BDP1: variants seen among roughly 807,000 people sequenced by gnomAD.
BDP1 encodes the protein transcription factor TFIIIB component B'' homolog.
Under a neutral mutation model 266.6 loss-of-function variants are expected in BDP1, and 169 were observed. The ratio of observed to expected loss-of-function variants is 0.63; its 90% confidence interval spans 0.56 to 0.72. The LOEUF (loss-of-function observed/expected upper bound fraction) is 0.72. Ranked by LOEUF, BDP1 falls within the 30% of genes least tolerant of loss-of-function variation. The pLI is 0.00. For synonymous variants in BDP1, 1,090 were observed against 1,022.4 expected, an observed-to-expected ratio of 1.07 and a Z score of -1.26; for missense variants, 3,015 against 3,053.8, an observed-to-expected ratio of 0.99 and a Z score of 0.30.
rs764156146 is a variant in BDP1 at position 71,461,880 on chromosome 5, A to G, written c.553A>G (p.Thr185Ala). ...GAGGCCACCAGATCGTTCAAAAATG[A>G]CTATGAGAGACTTCATATATTATCT... ...SQRPPDRSKM[T>A]MRDFIYYLPD... is the part of the protein sequence containing the mutation. Residue 185 changes from threonine to alanine, a missense_variant, in exon 3 of 39, where the codon ACT (threonine) becomes GCT (alanine). Transcript: ENST00000358731. The G allele has an allele frequency of 5.6e-5, 90 of 1,603,158 alleles. No homozygotes were observed. The highest frequency in any genetic ancestry group is 7.6e-5 in the Non-Finnish European group (89 of 1,171,930).
At chr5:71,515,357 A>T (rs1327669440) in intron 20 of BDP1, among the ~76,000 whole-genome samples, 1 of 152,192 alleles carries the variant, frequency 6.6e-6, no homozygotes, top group African/African-American at 2.4e-5. Flanking sequence ...AAAGCAATGC[A>T]TTTAAAAACT....
chr5:71,526,685 G>GT (rs35962090), intron 25 of BDP1, among the ~76,000 whole-genome samples: 3,624 of 118,926 alleles, frequency 0.03, 138 homozygotes, highest in African/African-American at 0.084. Context: ...CTCTCTCTCT[G>GT]TTTTTTTTTT....
At chr5:71,522,217 T>G (rs985888068) in intron 22 of BDP1, 72 bp from the exon 23 acceptor site, 8 of 1,173,606 alleles carry the variant, frequency 6.8e-6, no homozygotes, top group Admixed American at 6.4e-5. Context: ...CAAAATTGTT[T>G]GATGTAACAG....
At position 71,485,446 on chromosome 5, in the gene BDP1, T is replaced by G. The variant is rs543079874; in HGVS notation, c.1070-1038T>G. ...TGAGTGCTATGTCTTTCAGAATCAT[T>G]GTGGAGAGTCAGAACAAATGAAGTC... On this transcript the variant is annotated intron_variant, in intron 8 of 38. Coordinates refer to ENST00000358731, the MANE Select transcript of BDP1 (RefSeq NM_018429.3). 6.1e-4 allele frequency among the ~76,000 whole-genome samples: 93 copies of G among 152,306 alleles called. No homozygotes were observed. In the Middle Eastern group the frequency reaches 0.01, roughly 17 times the overall value.
At chr5:71,495,165 TTG>T in intron 11 of BDP1, 83 bp from the exon 12 acceptor site, 3 of 806,474 alleles carry the variant, frequency 3.7e-6, no homozygotes, top group Non-Finnish European at 5.2e-6. Flanking sequence ...AATGGTGATT[TTG>T]TGTGTTTAAC....
intron 25 of BDP1, among the ~76,000 whole-genome samples, chr5:71,525,680 C>T (rs1479614208): frequency 1.9e-5 from 2 of 107,884 alleles, no homozygotes; most frequent in African/African-American, 7.2e-5. Context: ...GCTGGCCGGG[C>T]GGGGGGCTGA....
chr5:71,520,001 G>A (rs1765416198), intron 22 of BDP1, among the ~76,000 whole-genome samples: 1 of 152,060 alleles, frequency 6.6e-6, no homozygotes, highest in Non-Finnish European at 1.5e-5. Context: ...TTTAACAGTA[G>A]CCATTTTAAC....
In BDP1 at chr5:71,510,137, T is replaced by G; in HGVS notation, c.3045T>G (p.Thr1015=). The G allele has an allele frequency of 6.2e-7, 1 of 1,612,076 alleles. No homozygotes were observed. Among genetic ancestry groups the G allele is most frequent in the Non-Finnish European group, 8.5e-7 (1 of 1,179,498 alleles). Residue 1015 remains threonine, a synonymous_variant, in exon 17 of 39, where the codon ACT becomes ACG. Coordinates refer to ENST00000358731, the MANE Select transcript of BDP1 (RefSeq NM_018429.3). ...AAATGGAGACAGATTTGAACGCAACTGGAAGAGAGAGTTCTCCAAGGGAGA... is the reference window on the plus strand; with the variant it reads ...AAATGGAGACAGATTTGAACGCAACGGGAAGAGAGAGTTCTCCAAGGGAGA... ...VDEMETDLNA[T]GRESSPREKT...
chr5:71,516,420 G>A, intron 21 of BDP1, 149 bp downstream of exon 21: 2 of 572,330 alleles, frequency 3.5e-6, no homozygotes, highest in Non-Finnish European at 5.9e-6. Context: ...TTGCTCTTCT[G>A]GATTTTTTTT....
At chr5:71,537,932 C>T (rs1766734675) in intron 26 of BDP1, 1 of 152,740 alleles carries the variant, frequency 6.5e-6, no homozygotes, top group Admixed American at 6.5e-5. Context: ...GCTGCTACCA[C>T]TCCTCCCATC....
chr5:71,542,961 A>G (rs889894933), intron 30 of BDP1, among the ~76,000 whole-genome samples: 2 of 152,210 alleles, frequency 1.3e-5, no homozygotes, highest in Non-Finnish European at 2.9e-5. Context: ...TGAAAATGTT[A>G]TGAGCCATAG....
chr5:71,542,095 C>T lies in BDP1; in HGVS notation c.6252-10C>T. 6.3e-7 allele frequency: 1 copy of T among 1,591,400 alleles called. No homozygotes were observed. The highest frequency in any genetic ancestry group is 1.4e-5 in the African/African-American group (1 of 73,858). ...CATGATTCATGAATTTCTCTATCTT[C>T]TGTTTTTAGGAATACAATTTCTAAA... On this transcript the variant is annotated splice_polypyrimidine_tract_variant and intron_variant, in intron 29 of 38. Coordinates refer to ENST00000358731, the MANE Select transcript of BDP1 (RefSeq NM_018429.3).
chr5:71,539,620 A>G lies in BDP1; in HGVS notation c.5993A>G (p.Gln1998Arg). 1 of 1,612,284 alleles carries G rather than the reference A, an allele frequency of 6.2e-7. No homozygotes were observed. Among genetic ancestry groups the G allele is most frequent in the Non-Finnish European group, 8.5e-7 (1 of 1,179,048 alleles). Residue 1998 changes from glutamine to arginine, a missense_variant, in exon 28 of 39, where the codon CAG becomes CGG. By Grantham distance (43) the Gln-to-Arg change is conservative. Around this residue, in one of 3 missense-constraint regions of BDP1, gnomAD observed 2,383 missense variants for 2,404.9 expected, o/e 0.99. Coordinates refer to ENST00000358731, the MANE Select transcript of BDP1 (RefSeq NM_018429.3). ...TLLTMGDLVL[Q>R]SEISSEQGDV... ...CTTACAATGGGAGATCTAGTATTGC[A>G]GTCAGAGATCAGTAGTGAACAGGGT...
intron 8 of BDP1, 57 bp downstream of exon 8, chr5:71,483,953 G>C (rs1476066078): frequency 5.3e-6 from 7 of 1,328,070 alleles, no homozygotes; most frequent in African/African-American, 1.5e-5. Flanking sequence ...AAAATGACCA[G>C]TCTTTTGTCT....
chr5:71,495,714 T>C (rs1763849552), intron 12 of BDP1, among the ~76,000 whole-genome samples: 1 of 152,138 alleles, frequency 6.6e-6, no homozygotes, highest in Non-Finnish European at 1.5e-5. Flanking sequence ...TGCCATGAGA[T>C]TTTACTTTTA....
intron 22 of BDP1, among the ~76,000 whole-genome samples, 188 bp downstream of exon 22, chr5:71,517,640 T>C (rs913373891): frequency 3.3e-5 from 5 of 152,364 alleles, no homozygotes; most frequent in East Asian, 3.9e-4. Flanking sequence ...ATGGCTGATA[T>C]TCTCTTAAGT....
At chr5:71,494,944 C>T (rs141589507) in intron 11 of BDP1, 95 of 175,770 alleles carry the variant, frequency 5.4e-4, no homozygotes, top group Admixed American at 2.4e-3. Context: ...GTGATCTGCC[C>T]GCCCTGGCTT....
chr5:71,562,620 A>C lies in BDP1; in HGVS notation c.7743+100A>C, dbSNP rs1318310187. On this transcript the variant is annotated intron_variant, in intron 38 of 38. Coordinates refer to ENST00000358731, the MANE Select transcript of BDP1 (RefSeq NM_018429.3). ...TAATTTGTTATTTTTATTTGATGTCAGAAATTATTTTAGAGCAACTCCCAT... is the reference window on the plus strand; with the variant it reads ...TAATTTGTTATTTTTATTTGATGTCCGAAATTATTTTAGAGCAACTCCCAT... The C allele has an allele frequency of 2.0e-6, 3 of 1,510,654 alleles. No homozygotes were observed. In the African/African-American group the frequency reaches 4.2e-5, roughly 21 times the overall value. 93.6% of individuals were successfully genotyped at this position (1,510,654 alleles called of 1,614,324 possible).
intron 7 of BDP1, among the ~76,000 whole-genome samples, chr5:71,474,772 G>A (rs1475267961): frequency 2.6e-5 from 4 of 151,808 alleles, no homozygotes; most frequent in South Asian, 4.2e-4. Flanking sequence ...GCTTGAACCC[G>A]GGAGGGAGAG....
Sources: allele counts gnomAD v4.1 joint callset (sites outside exome capture counted in the v4.1 genomes callset), GRCh38; gene constraint gnomAD v4.1.1; regional missense constraint gnomAD v4.1.1; transcripts MANE v1.5; gene names NCBI Gene and HGNC (gene_info 2026-07-23, HGNC 2026-07-21).